The following EIF4EBP2 variants were observed in gnomAD, a reference collection of about 807,000 sequenced individuals.
EIF4EBP2 encodes eukaryotic translation initiation factor 4E binding protein 2.
Under a neutral mutation model 10.3 loss-of-function variants are expected in EIF4EBP2, and 5 were observed. That is an observed-to-expected ratio of 0.48 (90% CI 0.25 to 1.02). EIF4EBP2 has a LOEUF of 1.02. Among genes scored for constraint, EIF4EBP2 ranks in the 50% least tolerant of loss-of-function variants. The pLI is 0.15. For synonymous variants in EIF4EBP2, 67 were observed against 61.1 expected (o/e 1.10, Z -0.45); for missense variants, 188 against 162.2 (o/e 1.16, Z -0.86).
At chr10:70,419,437 G>T (rs897828155) in intron 1 of EIF4EBP2, among the ~76,000 whole-genome samples, 1 of 152,148 alleles carries the variant, frequency 6.6e-6, no homozygotes, top group Non-Finnish European at 1.5e-5. Flanking sequence ...TTTAAAAGGG[G>T]CTGTTTATTT....
Position 70,424,164 on chromosome 10 carries a change from G to T in EIF4EBP2, c.*2417G>T, listed in dbSNP as rs1263259342. ...CTTCCTCACTGAACGGTGAGGAATG[G>T]ATTTAAAGCATGAGCTTTAGTAGTA... On this transcript the variant is annotated 3_prime_UTR_variant, in exon 3 of 3. Transcript: ENST00000373218. 1 of 152,172 alleles carries T rather than the reference G, an allele frequency of 6.6e-6. No individual in the cohort carries two copies. The highest frequency in any genetic ancestry group is 6.5e-5 in the Admixed American group (1 of 15,278). The allele number at this position is 152,172 out of a possible 1,614,324, so 9.4% of individuals were successfully genotyped here. A position where few individuals can be genotyped will look rare whatever the true frequency, so the allele number is the denominator to read the frequency against.
At chr10:70,408,282 C>T (rs1452140326) in intron 1 of EIF4EBP2, among the ~76,000 whole-genome samples, 1 of 150,704 alleles carries the variant, frequency 6.6e-6, no homozygotes, top group Admixed American at 6.6e-5. Flanking sequence ...TAGGGGCGGC[C>T]GGGCAGAGGC....
At chr10:70,419,213 C>G (rs1343569495) in intron 1 of EIF4EBP2, among the ~76,000 whole-genome samples, 1 of 152,206 alleles carries the variant, frequency 6.6e-6, no homozygotes, top group Non-Finnish European at 1.5e-5. Context: ...TGATGTCGAG[C>G]ACCTTTTAAT....
chr10:70,420,703 C>T (rs1378909860), intron 2 of EIF4EBP2, among the ~76,000 whole-genome samples: 1 of 152,204 alleles, frequency 6.6e-6, no homozygotes, highest in Non-Finnish European at 1.5e-5. Context: ...CTGGCCTAGG[C>T]TTCATTGGAC....
Position 70,423,986 on chromosome 10 carries a change from G to A in EIF4EBP2, c.*2239G>A, listed in dbSNP as rs922746372. 8 of 152,240 alleles carry A rather than the reference G, an allele frequency of 5.3e-5. No homozygotes were observed. The highest frequency in any genetic ancestry group is 2.6e-4 in the Admixed American group (4 of 15,286). 9.4% of individuals were successfully genotyped at this position (152,240 alleles called of 1,614,324 possible). On this transcript the variant is annotated 3_prime_UTR_variant, in exon 3 of 3. Transcript: ENST00000373218. ...CATGCTCAGGACCTCTTTGTACCCC[G>A]GGGAGCCTGATTCTTTGGGAATGAA...
intron 1 of EIF4EBP2, among the ~76,000 whole-genome samples, chr10:70,416,052 A>C (rs895633852): frequency 9.9e-5 from 15 of 152,214 alleles, no homozygotes; most frequent in Non-Finnish European, 1.5e-4. Context: ...ATCATTGAAA[A>C]ATGGGTAAAG....
chr10:70,420,112 C>G lies in EIF4EBP2; in HGVS notation c.331+13C>G. On this transcript the variant is annotated intron_variant, in intron 2 of 2. Coordinates refer to ENST00000373218, the MANE Select transcript of EIF4EBP2 (RefSeq NM_004096.5). Reference sequence around the variant, plus strand: ...AAACATGCAGTTGGTAAGAGAATGGCGATGTTGGAGACCTAGAGCGTGGCT... The same window carrying G: ...AAACATGCAGTTGGTAAGAGAATGGGGATGTTGGAGACCTAGAGCGTGGCT... 2 of 1,589,812 alleles carry G rather than the reference C, an allele frequency of 1.3e-6. No individual in the cohort carries two copies. Among genetic ancestry groups the G allele is most frequent in the Non-Finnish European group, 1.7e-6 (2 of 1,168,338 alleles).
At position 70,423,780 on chromosome 10, in the gene EIF4EBP2, A is replaced by G. The variant is rs1311980860; in HGVS notation, c.*2033A>G. The G allele has an allele frequency of 6.5e-6, 1 of 152,694 alleles. No homozygotes were observed. The highest frequency in any genetic ancestry group is 1.5e-5 in the Non-Finnish European group (1 of 68,046). 9.5% of individuals were successfully genotyped at this position (152,694 alleles called of 1,614,324 possible). A position where few individuals can be genotyped will look rare whatever the true frequency, so the allele number is the denominator to read the frequency against. On this transcript the variant is annotated 3_prime_UTR_variant, in exon 3 of 3. Transcript: ENST00000373218. ...AACCTTTTGTGATGGTTGATGTCTC[A>G]GGAATAAGCTGGATCTCCAATGTTT... is the stretch of plus-strand genomic sequence containing the variant.
Position 70,423,600 on chromosome 10 carries a change from A to G in EIF4EBP2, c.*1853A>G, listed in dbSNP as rs1326695649. The G allele has an allele frequency of 6.6e-6, 1 of 152,318 alleles. No individual in the cohort carries two copies. The highest frequency in any genetic ancestry group is 1.5e-5 in the Non-Finnish European group (1 of 68,034). 9.4% of individuals were successfully genotyped at this position (152,318 alleles called of 1,614,324 possible). Reference sequence around the variant, plus strand: ...TTAAGAAATCAGATCCCAGGGTGAGAGTAACAGGCCATTTGGCCAAGAAAG... The same window carrying G: ...TTAAGAAATCAGATCCCAGGGTGAGGGTAACAGGCCATTTGGCCAAGAAAG... On this transcript the variant is annotated 3_prime_UTR_variant, in exon 3 of 3. Transcript: ENST00000373218.
chr10:70,421,086 C>T (rs1412791275), intron 2 of EIF4EBP2, among the ~76,000 whole-genome samples: 1 of 152,132 alleles, frequency 6.6e-6, no homozygotes, highest in Non-Finnish European at 1.5e-5. Context: ...TGAGCCACTG[C>T]GCCTGGCCGA....
rs1244580175 is a variant in EIF4EBP2, at chr10:70,414,166, G to GT, written c.146-5742dup. ...TAATATTCAATAAAGGAAATAAAGG[G>GT]TTTTTTCCTGCCATTTTATCCATGG... On this transcript the variant is annotated intron_variant, in intron 1 of 2. Transcript: ENST00000373218. 3.3e-5 allele frequency among the ~76,000 whole-genome samples: 5 copies of GT among 151,916 alleles called. No homozygotes were observed. In the East Asian group the frequency reaches 7.7e-4, roughly 23 times the overall value.
chr10:70,408,785 T>C (rs1313840076), intron 1 of EIF4EBP2, among the ~76,000 whole-genome samples: 1 of 152,204 alleles, frequency 6.6e-6, no homozygotes, highest in East Asian at 1.9e-4. Context: ...ATTCTTGATT[T>C]GGGGGTAGGG....
intron 1 of EIF4EBP2, among the ~76,000 whole-genome samples, chr10:70,418,120 C>T (rs1845115752): frequency 6.6e-6 from 1 of 152,102 alleles, no homozygotes. Context: ...GAGTTGAGGT[C>T]ATAAAGGTGG....
In EIF4EBP2 at chr10:70,428,126, T is replaced by A. The variant is rs1325213087; in HGVS notation, c.*6379T>A. The A allele has an allele frequency of 3.3e-5, 5 of 152,150 alleles. No homozygotes were observed. Among genetic ancestry groups the A allele is most frequent in the Non-Finnish European group, 7.3e-5 (5 of 68,052 alleles). The allele number at this position is 152,150 out of a possible 1,614,324, so 9.4% of individuals were successfully genotyped here. A position where few individuals can be genotyped will look rare whatever the true frequency, so the allele number is the denominator to read the frequency against. ...TTGCTGAGTGCTGTGCGCCAGTGCC[T>A]TTCCTTCATCTGCAGATGGAGCCCA... On this transcript the variant is annotated 3_prime_UTR_variant, in exon 3 of 3. Coordinates refer to ENST00000373218, the MANE Select transcript of EIF4EBP2 (RefSeq NM_004096.5).
chr10:70,407,885 G>A lies in EIF4EBP2; in HGVS notation c.145+3339G>A, dbSNP rs568785673. ...ACCCCCCACCTCCCTCCCGGATGGG[G>A]CGGCTGGCCGGGCAGAGGGGCTCCT... On this transcript the variant is annotated intron_variant, in intron 1 of 2. Transcript: ENST00000373218. Among the ~76,000 whole-genome samples the A allele has an allele frequency of 1.1e-4, 16 of 141,548 alleles. No homozygotes were observed. The East Asian group carries it at 1.3e-3, about 12-fold the overall frequency. The allele number at this position is 141,548 out of a possible 152,430, so 92.9% of individuals were successfully genotyped here.
In EIF4EBP2 at chr10:70,404,556, G is replaced by A. The variant is rs1441667884; in HGVS notation, c.145+10G>A. 6.5e-7 allele frequency: 1 copy of A among 1,546,010 alleles called. No individual in the cohort carries two copies. The highest frequency in any genetic ancestry group is 8.7e-7 in the Non-Finnish European group (1 of 1,150,834). The stretch of plus-strand genomic sequence containing the variant: ...TCCACCACACCGGGAGGTGAGCGCC[G>A]GCCAGCCGTCCGCCGCGCCCGGTGT... On this transcript the variant is annotated intron_variant, in intron 1 of 2. Transcript: ENST00000373218.
rs1430617115 is a variant in EIF4EBP2 at position 70,427,170 on chromosome 10, A to G, written c.*5423A>G. The G allele has an allele frequency of 6.6e-6, 1 of 152,168 alleles. No homozygotes were observed. The highest frequency in any genetic ancestry group is 1.5e-5 in the Non-Finnish European group (1 of 68,026). 9.4% of individuals were successfully genotyped at this position (152,168 alleles called of 1,614,324 possible). The stretch of plus-strand genomic sequence containing the variant: ...TTTTCTGGACTACATGCACATGGGC[A>G]GCTATAGATTAATCTGCAAAACCTA... On this transcript the variant is annotated 3_prime_UTR_variant, in exon 3 of 3. Transcript: ENST00000373218.
intron 1 of EIF4EBP2, among the ~76,000 whole-genome samples, chr10:70,414,577 C>A (rs2137228326): frequency 6.6e-6 from 1 of 152,216 alleles, no homozygotes; most frequent in African/African-American, 2.4e-5. Context: ...TATAGAAAAA[C>A]CTGTTTTTGG....
At position 70,428,521 on chromosome 10, in the gene EIF4EBP2, T is replaced by C. The variant is rs915287905; in HGVS notation, c.*6774T>C. On this transcript the variant is annotated 3_prime_UTR_variant, in exon 3 of 3. Coordinates refer to ENST00000373218, the MANE Select transcript of EIF4EBP2 (RefSeq NM_004096.5). ...ATCAGTTGTTTTTGTATTTTAACTA[T>C]TCTTCCAAACCAGCAGATGTTTGGA... The C allele has an allele frequency of 3.9e-5, 6 of 152,238 alleles. No individual in the cohort carries two copies. Among genetic ancestry groups the C allele is most frequent in the African/African-American group, 1.2e-4 (5 of 41,472 alleles). 9.4% of individuals were successfully genotyped at this position (152,238 alleles called of 1,614,324 possible).
Sources: gnomAD v4.1 joint callset for allele counts (sites outside exome capture counted in the v4.1 genomes callset) on GRCh38, gnomAD v4.1.1 for gene constraint, MANE v1.5 for transcripts, NCBI Gene and HGNC (gene_info 2026-07-23, HGNC 2026-07-21) for gene names.